CATSPERG: variants seen among roughly 807,000 people sequenced by gnomAD.
CATSPERG encodes the protein cation channel sperm-associated auxiliary subunit gamma.
Under a neutral mutation model 145.0 loss-of-function variants are expected in CATSPERG, and 115 were observed. The observed-to-expected ratio is 0.79, with a 90% CI of 0.68 to 0.93. The LOEUF is 0.93. Among genes scored for constraint, CATSPERG ranks in the 40% least tolerant of loss-of-function variants. CATSPERG has a pLI of 0.00. For missense variants in CATSPERG, 1,296 were observed against 1,490.1 expected (o/e 0.87, Z 2.14); for synonymous variants, 588 against 589.0 (o/e 1.00, Z 0.02).
chr19:38,360,121 G>A, intron 14 of CATSPERG: 1 of 985,370 alleles, frequency 1.0e-6, no homozygotes, highest in Non-Finnish European at 1.2e-6. Context: ...TGAGGCCAGG[G>A]AAATGGTGAG....
At chr19:38,344,519 G>A in intron 6 of CATSPERG, 151 bp downstream of exon 6, 1 of 699,140 alleles carries the variant, frequency 1.4e-6, no homozygotes, top group Non-Finnish European at 2.5e-6. Flanking sequence ...CCAGTGACCT[G>A]TCGAGGGGAC....
At chr19:38,336,363 G>A (rs1969836150) in intron 1 of CATSPERG, 2 of 360,668 alleles carry the variant, frequency 5.5e-6, no homozygotes, top group African/African-American at 2.1e-5. Context: ...GCGGGACGGG[G>A]CGACGGGCCC....
At chr19:38,358,373 G>C in intron 12 of CATSPERG, 45 bp downstream of exon 12, 1 of 1,614,014 alleles carries the variant, frequency 6.2e-7, no homozygotes, top group Non-Finnish European at 8.5e-7. Context: ...CTGTGGGCCA[G>C]GAGGGGCCCA....
Position 38,362,746 on chromosome 19 carries a change from G to C in CATSPERG, c.2389G>C (p.Val797Leu). Residue 797 changes from valine to leucine, a missense_variant, in exon 20 of 29, where the codon GTG becomes CTG. Val to Leu is a conservative substitution (Grantham distance 32). Transcript: ENST00000409235. Reference protein sequence around the residue: ...TAFQLHSQVDVGVVLADPGCI... With the variant: ...TAFQLHSQVDLGVVLADPGCI... ...CTTCCAGCTGCATAGCCAGGTGGACGTGGGCGTGGTGCTGGCCGACCCCGG... is the reference window on the plus strand; with the variant it reads ...CTTCCAGCTGCATAGCCAGGTGGACCTGGGCGTGGTGCTGGCCGACCCCGG... 1 of 1,614,218 alleles carries C rather than the reference G, an allele frequency of 6.2e-7. No homozygotes were observed. Among genetic ancestry groups the C allele is most frequent in the Non-Finnish European group, 8.5e-7 (1 of 1,180,030 alleles).
chr19:38,343,988 T>C lies in CATSPERG; in HGVS notation c.470-5T>C. 2 of 1,549,844 alleles carry C rather than the reference T, an allele frequency of 1.3e-6. No homozygotes were observed. The highest frequency in any genetic ancestry group is 1.7e-6 in the Non-Finnish European group (2 of 1,146,814). ...GCAGTTTCAGTGCCCAGGGCCTCCC[T>C]GCAGAGCCATGCATGGCAGAAGAAG... On this transcript the variant is annotated splice_polypyrimidine_tract_variant and splice_region_variant and intron_variant, in intron 4 of 28. Coordinates refer to ENST00000409235, the MANE Select transcript of CATSPERG (RefSeq NM_021185.5).
At chr19:38,354,311 C>T (rs1970206020) in intron 8 of CATSPERG, among the ~76,000 whole-genome samples, 1 of 152,240 alleles carries the variant, frequency 6.6e-6, no homozygotes, top group African/African-American at 2.4e-5. Flanking sequence ...CACGGTTAGA[C>T]AGTCACCTCC....
chr19:38,354,244 G>T (rs1254547923), intron 8 of CATSPERG, among the ~76,000 whole-genome samples: 1 of 152,178 alleles, frequency 6.6e-6, no homozygotes, highest in Non-Finnish European at 1.5e-5. Context: ...GGCTTCCGTG[G>T]CTGAAAAGCC....
chr19:38,367,531 T>A lies in CATSPERG; in HGVS notation c.2793T>A (p.Ile931=). 1 of 1,614,132 alleles carries A rather than the reference T, an allele frequency of 6.2e-7. No homozygotes were observed. Among genetic ancestry groups the A allele is most frequent in the Non-Finnish European group, 8.5e-7 (1 of 1,180,010 alleles). ...FRDIFYPFFL[I]QDLVTGDSGS... ...TAGTTTTCTACCCCTTCTTCTTGAT[T>A]CAAGATTTGGTGACAGGAGACTCCG... The change falls in exon 24 of 29, where the codon ATT becomes ATA. Residue 931 remains isoleucine, a synonymous_variant. Transcript: ENST00000409235.
At chr19:38,364,795 A>G in intron 20 of CATSPERG, 96 bp from the exon 21 acceptor site, 1 of 964,750 alleles carries the variant, frequency 1.0e-6, no homozygotes. Flanking sequence ...ACCAGCCACC[A>G]CCTCGCCCCA....
rs201918503 is a variant in CATSPERG at position 38,358,258 on chromosome 19, T to C, written c.1316-20T>C. The C allele has an allele frequency of 1.9e-6, 3 of 1,613,916 alleles. No individual in the cohort carries two copies. The highest frequency in any genetic ancestry group is 3.3e-5 in the Admixed American group (2 of 60,014). On this transcript the variant is annotated intron_variant, in intron 11 of 28. Transcript: ENST00000409235. Reference sequence around the variant, plus strand: ...AGTGCAGGGCCTCAGGAGATTTTGCTGTGTTCTCCCCACCTGTAGCTAGTG... The same window carrying C: ...AGTGCAGGGCCTCAGGAGATTTTGCCGTGTTCTCCCCACCTGTAGCTAGTG...
intron 10 of CATSPERG, 31 bp downstream of exon 10, chr19:38,356,574 G>A: frequency 6.2e-7 from 1 of 1,609,350 alleles, no homozygotes; most frequent in Non-Finnish European, 8.5e-7. Context: ...TCTGCGGTGG[G>A]AGGCTGGGGG....
rs1044377499 is a variant in CATSPERG, at chr19:38,336,684, G to T, written c.-14-537G>T. 3 of 244,252 alleles carry T rather than the reference G, an allele frequency of 1.2e-5. No homozygotes were observed. In the South Asian group the frequency reaches 1.3e-4, roughly 11 times the overall value. 15.1% of individuals were successfully genotyped at this position (244,252 alleles called of 1,614,324 possible). ...GGCACAGCCGGGTGGAAGTACACGG[G>T]TGCGATCGCAGGCAGAAGCAGTACG... On this transcript the variant is annotated intron_variant, in intron 1 of 28. Transcript: ENST00000409235.
intron 10 of CATSPERG, 88 bp from the exon 11 acceptor site, chr19:38,356,654 G>C: frequency 6.3e-7 from 1 of 1,593,388 alleles, no homozygotes; most frequent in Non-Finnish European, 8.6e-7. Flanking sequence ...GTCTTAGGGA[G>C]GGGTGAGTTA....
At position 38,360,484 on chromosome 19, in the gene CATSPERG, C is replaced by T. The variant is rs752042352; in HGVS notation, c.1609-5C>T. The T allele has an allele frequency of 5.6e-6, 9 of 1,613,908 alleles. No individual in the cohort carries two copies. Among genetic ancestry groups the T allele is most frequent in the South Asian group, 5.5e-5 (5 of 91,068 alleles). ...CACACACACATCCGGCTGTCATACC[C>T]GCAGATCTGGTACCTCCTGGAGGGC... On this transcript the variant is annotated splice_region_variant and splice_polypyrimidine_tract_variant and intron_variant, in intron 14 of 28. Transcript: ENST00000409235.
chr19:38,360,295 G>C, intron 14 of CATSPERG, 194 bp from the exon 15 acceptor site: 2 of 985,370 alleles, frequency 2.0e-6, no homozygotes, highest in Non-Finnish European at 2.4e-6. Flanking sequence ...GCTGGAACCA[G>C]AGGTGATTGG....
chr19:38,352,594 CCTTTTTTTT>C, intron 8 of CATSPERG, 162 bp downstream of exon 8: 1 of 525,630 alleles, frequency 1.9e-6, no homozygotes, highest in Non-Finnish European at 3.3e-6. Flanking sequence ...CTTGCCTTGC[CCTTTTTTTT>C]TTTTTTTTTT....
chr19:38,370,535 A>G lies in CATSPERG; in HGVS notation c.3223A>G (p.Ser1075Gly), dbSNP rs769772405. Residue 1075 changes from serine (S) to glycine (G), a missense_variant, in exon 29 of 29, where the codon AGC becomes GGC. Transcript: ENST00000409235. ...RALFIIMVSA[S>G]VFVGLVIFYI... ...TCTTTGCTCCCTGCAGGTGTCAGCTAGCGTGTTTGTGGGCCTGGTGATCTT... is the reference window on the plus strand; with the variant it reads ...TCTTTGCTCCCTGCAGGTGTCAGCTGGCGTGTTTGTGGGCCTGGTGATCTT... The G allele has an allele frequency of 6.2e-7, 1 of 1,614,090 alleles. No individual in the cohort carries two copies. Among genetic ancestry groups the G allele is most frequent in the Admixed American group, 1.7e-5 (1 of 60,012 alleles).
chr19:38,361,941 GAGCGGAGCGC>G, intron 17 of CATSPERG, 80 bp downstream of exon 17: 1 of 1,180,280 alleles, frequency 8.5e-7, no homozygotes, highest in Non-Finnish European at 1.2e-6. Context: ...GAGGCCTGTG[GAGCGGAGCGC>G]AGCGGGATTG....
At chr19:38,359,959 T>C in intron 14 of CATSPERG, 1 of 1,043,966 alleles carries the variant, frequency 9.6e-7, no homozygotes, top group Non-Finnish European at 1.2e-6. Flanking sequence ...TCTGGGGGCT[T>C]GTGCATGTCA....
Sources: gnomAD v4.1 joint callset for allele counts (sites outside exome capture counted in the v4.1 genomes callset) on GRCh38, gnomAD v4.1.1 for gene constraint, MANE v1.5 for transcripts, NCBI Gene and HGNC (gene_info 2026-07-23, HGNC 2026-07-21) for gene names.